Variants in SLC12A2 observed in about 807,000 individuals in gnomAD.
SLC12A2 encodes solute carrier family 12 member 2.
In SLC12A2, 67 loss-of-function variants were observed where a neutral mutation model predicts 136.3. That is an observed-to-expected ratio of 0.49 (90% CI 0.40 to 0.60). SLC12A2 has a LOEUF of 0.60. SLC12A2 is among the 20% of genes least tolerant of loss of function. The pLI, the probability that SLC12A2 is intolerant of heterozygous loss-of-function variation, is 0.00. For synonymous variants in SLC12A2, 619 were observed against 562.9 expected, an observed-to-expected ratio of 1.10 and a Z score of -1.41; for missense variants, 1,322 against 1,534.7, an observed-to-expected ratio of 0.86 and a Z score of 2.32.
At chr5:128,138,948 C>T (rs2126708472) in intron 9 of SLC12A2, 40 bp downstream of exon 9, 1 of 1,339,292 alleles carries the variant, frequency 7.5e-7, no homozygotes, top group Non-Finnish European at 1.1e-6. Context: ...GCAGAAATTT[C>T]ATGATGTACG....
intron 4 of SLC12A2, among the ~76,000 whole-genome samples, chr5:128,120,429 A>C (rs1316741808): frequency 6.6e-6 from 1 of 151,636 alleles, no homozygotes; most frequent in Non-Finnish European, 1.5e-5. Context: ...TTGTGGCACT[A>C]TTCACAATAA....
chr5:128,179,585 TG>T (rs1763635689), intron 22 of SLC12A2, among the ~76,000 whole-genome samples: 1 of 152,172 alleles, frequency 6.6e-6, no homozygotes, highest in African/African-American at 2.4e-5. Flanking sequence ...CTTTTACTTA[TG>T]GCAGAAGGCA....
At chr5:128,185,435 CT>C (rs1296537766) in intron 26 of SLC12A2, among the ~76,000 whole-genome samples, 1 of 151,932 alleles carries the variant, frequency 6.6e-6, no homozygotes, top group Non-Finnish European at 1.5e-5. Flanking sequence ...AACATGTGTC[CT>C]TAGATAGGAA....
chr5:128,161,578 A>T lies in SLC12A2; in HGVS notation c.2476-82A>T, dbSNP rs189479133. 6.2e-5 allele frequency: 52 copies of T among 841,932 alleles called. No homozygotes were observed. The East Asian group carries it at 1.6e-3, about 26-fold the overall frequency. 52.2% of individuals were successfully genotyped at this position (841,932 alleles called of 1,614,324 possible). Reference sequence around the variant, plus strand: ...TACATTTAGTCACCTGTTTCAAGCCAGTATAACAGGATGAATCATTTGTAT... The same window carrying T: ...TACATTTAGTCACCTGTTTCAAGCCTGTATAACAGGATGAATCATTTGTAT... On this transcript the variant is annotated intron_variant, in intron 16 of 26. Transcript: ENST00000262461.
At chr5:128,151,849 A>T (rs1444325594) in intron 14 of SLC12A2, among the ~76,000 whole-genome samples, 1 of 152,164 alleles carries the variant, frequency 6.6e-6, no homozygotes, top group Admixed American at 6.5e-5. Context: ...ACTAGAAGAC[A>T]TAGTATCTTT....
At chr5:128,180,062 C>G (rs1006253648) in intron 22 of SLC12A2, among the ~76,000 whole-genome samples, 1 of 147,432 alleles carries the variant, frequency 6.8e-6, no homozygotes, top group Non-Finnish European at 1.5e-5. Context: ...CTCCGCCTCC[C>G]GGGTTCACAC....
intron 4 of SLC12A2, among the ~76,000 whole-genome samples, chr5:128,123,374 T>A (rs1761661659): frequency 6.6e-6 from 1 of 152,176 alleles, no homozygotes; most frequent in Non-Finnish European, 1.5e-5. Flanking sequence ...TATTTCATTA[T>A]TGTCACCCTT....
chr5:128,154,882 T>C (rs576051742), intron 15 of SLC12A2, among the ~76,000 whole-genome samples: 178 of 152,336 alleles, frequency 1.2e-3, no homozygotes, highest in Non-Finnish European at 2.2e-3. Flanking sequence ...AAGATTCATT[T>C]TCTTACTGTA....
chr5:128,136,668 G>A lies in SLC12A2; in HGVS notation c.1408+860G>A, dbSNP rs1173337799. On this transcript the variant is annotated intron_variant, in intron 7 of 26. Coordinates refer to ENST00000262461, the MANE Select transcript of SLC12A2 (RefSeq NM_001046.3). ...TTCTTGAAACATGTCTATTTTATTC[G>A]ATGTCAGATACCCTAGGTGCCTAAC... Among the ~76,000 whole-genome samples the A allele has an allele frequency of 2.6e-5, 4 of 151,666 alleles. 1 individual carries two copies. Among genetic ancestry groups the A allele is most frequent in the Admixed American group, 1.3e-4 (2 of 15,218 alleles).
chr5:128,152,768 C>G lies in SLC12A2; in HGVS notation c.2326C>G (p.Arg776Gly). The change falls in exon 15 of 27, where the codon CGT (arginine) becomes GGT (glycine). Residue 776 changes from arginine to glycine, a missense_variant. By Grantham distance (125) the Arg-to-Gly change is moderately radical. Around this residue, in one of 8 missense-constraint regions of SLC12A2, gnomAD observed 294 missense variants for 436.6 expected, o/e 0.67. Coordinates refer to ENST00000262461, the MANE Select transcript of SLC12A2 (RefSeq NM_001046.3). ...CCTGAATGCACTGCAGCATTCAATT[C>G]GTCTTTCTGGAGTGGAAGACCACGT... ...TYLNALQHSI[R>G]LSGVEDHVKN... 2 of 1,613,490 alleles carry G rather than the reference C, an allele frequency of 1.2e-6. No individual in the cohort carries two copies. The highest frequency in any genetic ancestry group is 1.7e-6 in the Non-Finnish European group (2 of 1,179,502).
chr5:128,109,671 C>G, intron 1 of SLC12A2: 1 of 958,062 alleles, frequency 1.0e-6, no homozygotes, highest in Non-Finnish European at 1.7e-6. Flanking sequence ...AGCTTCACAT[C>G]TTCTCCAGGC....
intron 16 of SLC12A2, 38 bp from the exon 17 acceptor site, chr5:128,161,622 C>A: frequency 7.9e-7 from 1 of 1,259,270 alleles, no homozygotes; most frequent in Non-Finnish European, 1.0e-6. Context: ...AGTTGCTTAC[C>A]TTTTAATTAA....
At chr5:128,161,169 G>A (rs1405584110) in intron 16 of SLC12A2, among the ~76,000 whole-genome samples, 2 of 152,052 alleles carry the variant, frequency 1.3e-5, no homozygotes, top group African/African-American at 4.8e-5. Flanking sequence ...AGTTCATTTA[G>A]TTTCTCCTGT....
At chr5:128,131,038 GT>G (rs756837857) in intron 4 of SLC12A2, 28 bp from the exon 5 acceptor site, 22 of 1,604,742 alleles carry the variant, frequency 1.4e-5, no homozygotes, top group South Asian at 7.7e-5. Context: ...TTTAGTACCT[GT>G]TTTTTTTGTT....
intron 1 of SLC12A2, among the ~76,000 whole-genome samples, chr5:128,088,192 G>C (rs1760174984): frequency 6.6e-6 from 1 of 152,088 alleles, no homozygotes; most frequent in South Asian, 2.1e-4. Context: ...GTCTGTTAGA[G>C]ATTGAGGAGC....
chr5:128,147,036 A>G (rs1422501171), intron 10 of SLC12A2, among the ~76,000 whole-genome samples: 1 of 151,004 alleles, frequency 6.6e-6, no homozygotes, highest in Non-Finnish European at 1.5e-5. Flanking sequence ...GAACCTGTTG[A>G]TTGAAAAAGA....
At chr5:128,153,818 C>G (rs1361160948) in intron 15 of SLC12A2, among the ~76,000 whole-genome samples, 1 of 151,932 alleles carries the variant, frequency 6.6e-6, no homozygotes, top group Non-Finnish European at 1.5e-5. Context: ...CTTTTGAATT[C>G]CCCCCTTCCT....
intron 1 of SLC12A2, among the ~76,000 whole-genome samples, chr5:128,094,133 T>G (rs1266906650): frequency 1.3e-5 from 2 of 151,702 alleles, no homozygotes; most frequent in Non-Finnish European, 2.9e-5. Flanking sequence ...AGTGGTAGTA[T>G]ATCTATTAAC....
At chr5:128,098,875 C>A (rs1410175933) in intron 1 of SLC12A2, among the ~76,000 whole-genome samples, 1 of 152,096 alleles carries the variant, frequency 6.6e-6, no homozygotes, top group East Asian at 1.9e-4. Flanking sequence ...TGAAGATTTT[C>A]ACTTAATTTC....
Sources: allele counts gnomAD v4.1 joint callset (sites outside exome capture counted in the v4.1 genomes callset), GRCh38; gene constraint gnomAD v4.1.1; regional missense constraint gnomAD v4.1.1; transcripts MANE v1.5; gene names NCBI Gene and HGNC (gene_info 2026-07-23, HGNC 2026-07-21).